IFT74: variants seen among roughly 807,000 people sequenced by gnomAD.
The protein encoded by IFT74 is intraflagellar transport 74, also known as intraflagellar transport protein 74 homolog.
IFT74 carries 92 observed loss-of-function variants against 96.7 expected under a neutral mutation model. That is an observed-to-expected ratio of 0.95 (90% CI 0.80 to 1.13). The LOEUF (loss-of-function observed/expected upper bound fraction) is 1.13, where lower values mean the gene tolerates loss of function less well. IFT74 is among the 50% of genes most tolerant of loss of function. The pLI is 0.00. For missense variants in IFT74, 811 were observed against 698.2 expected, an observed-to-expected ratio of 1.16 and a Z score of -1.82; for synonymous variants, 223 against 213.2, an observed-to-expected ratio of 1.05 and a Z score of -0.40.
rs550725210 is a variant in IFT74, at chr9:26,981,422, A to AT, written c.305+813dup. On this transcript the variant is annotated intron_variant, in intron 4 of 19. Coordinates refer to ENST00000380062, the MANE Select transcript of IFT74 (RefSeq NM_025103.4). ...CTACCACCACACCTGGCCTCATAGC[A>AT]TTTTTTTTTTGAGACAGAGTCTTGT... is the stretch of plus-strand genomic sequence containing the variant. Among the ~76,000 whole-genome samples, 807 of 137,962 alleles carry AT rather than the reference A, an allele frequency of 5.8e-3. 2 individuals carry two copies. Among genetic ancestry groups the AT allele is most frequent in the African/African-American group, 7.9e-3 (292 of 36,944 alleles). The allele number at this position is 137,962 out of a possible 152,430, so 90.5% of individuals were successfully genotyped here.
chr9:26,950,883 T>C (rs759244361), intron 1 of IFT74, among the ~76,000 whole-genome samples: 8 of 152,272 alleles, frequency 5.3e-5, no homozygotes, highest in Non-Finnish European at 8.8e-5. Context: ...TAGAACATAG[T>C]GCAGCTGGGA....
chr9:27,039,780 A>G (rs538350878), intron 13 of IFT74, among the ~76,000 whole-genome samples: 1 of 152,314 alleles, frequency 6.6e-6, no homozygotes, highest in Non-Finnish European at 1.5e-5. Context: ...TATGTAAAAG[A>G]CTTGAACATC....
At chr9:27,034,128 TATTACTCACCAAAAATG>T (rs1830251177) in intron 13 of IFT74, among the ~76,000 whole-genome samples, 1 of 152,304 alleles carries the variant, frequency 6.6e-6, no homozygotes, top group Non-Finnish European at 1.5e-5. Flanking sequence ...TATTGGGCAT[TATTACTCACCAAAAATG>T]ATTACTTTCC....
chr9:26,971,307 T>TA, intron 2 of IFT74, among the ~76,000 whole-genome samples: 1 of 152,128 alleles, frequency 6.6e-6, no homozygotes, highest in Admixed American at 6.6e-5. Flanking sequence ...TTAGTTTTTT[T>TA]TATATATTAA....
chr9:26,961,785 A>G (rs1426435865), intron 1 of IFT74, among the ~76,000 whole-genome samples, 164 bp from the exon 2 acceptor site: 1 of 152,222 alleles, frequency 6.6e-6, no homozygotes, highest in Non-Finnish European at 1.5e-5. Context: ...ATAGTTGTAA[A>G]TGGAGCACGA....
upstream of IFT74, among the ~76,000 whole-genome samples, chr9:26,953,694 A>AGGTG (rs571775420): frequency 3.4e-5 from 5 of 149,120 alleles, no homozygotes; most frequent in African/African-American, 1.2e-4. Flanking sequence ...CATTTTTTGT[A>AGGTG]GGGGGGGGGT....
chr9:26,984,999 T>G (rs1053960996), intron 6 of IFT74, among the ~76,000 whole-genome samples: 4 of 152,168 alleles, frequency 2.6e-5, no homozygotes, highest in African/African-American at 4.8e-5. Flanking sequence ...TAAAGACACA[T>G]GCACATGTGT....
intron 8 of IFT74, among the ~76,000 whole-genome samples, chr9:27,001,380 C>G (rs1828477499): frequency 1.3e-5 from 2 of 151,988 alleles, no homozygotes; most frequent in African/African-American, 4.8e-5. Flanking sequence ...TTTAAGGAAC[C>G]TTCATACTGC....
intron 8 of IFT74, chr9:26,998,163 G>A (rs1425518640): frequency 6.3e-6 from 10 of 1,597,960 alleles, no homozygotes; most frequent in Non-Finnish European, 8.6e-6. Context: ...TTATAACTGA[G>A]ATCAAGTATA....
chr9:26,988,365 A>G (rs2131549277), intron 6 of IFT74, among the ~76,000 whole-genome samples: 1 of 152,278 alleles, frequency 6.6e-6, no homozygotes, highest in Admixed American at 6.5e-5. Context: ...ACCCTTATTT[A>G]TAAGCTCAGC....
At chr9:26,950,153 A>G (rs1825884298) in intron 1 of IFT74, among the ~76,000 whole-genome samples, 1 of 152,124 alleles carries the variant, frequency 6.6e-6, no homozygotes, top group African/African-American at 2.4e-5. Context: ...TCTACTAAAA[A>G]TACAAAAAGT....
upstream of IFT74, chr9:26,956,098 G>C (rs905266478): frequency 6.6e-6 from 1 of 152,160 alleles, no homozygotes; most frequent in African/African-American, 2.4e-5. Flanking sequence ...AATGTAACCT[G>C]TTAACAACGT....
intron 13 of IFT74, among the ~76,000 whole-genome samples, chr9:27,040,540 G>C (rs1819429163): frequency 1.2e-5 from 1 of 84,112 alleles, no homozygotes; most frequent in African/African-American, 5.0e-5. Flanking sequence ...ACGAGACACT[G>C]TCTCAAAAAA....
At chr9:27,048,330 T>C (rs1453202871) in intron 16 of IFT74, 56 bp downstream of exon 16, 1 of 1,195,574 alleles carries the variant, frequency 8.4e-7, no homozygotes, top group Non-Finnish European at 1.1e-6. Flanking sequence ...ATCAATGTTA[T>C]TCTCTGATTA....
chr9:27,013,035 CCTT>C (rs1284124520), intron 10 of IFT74, among the ~76,000 whole-genome samples: 1 of 152,026 alleles, frequency 6.6e-6, no homozygotes, highest in African/African-American at 2.4e-5. Flanking sequence ...TGTTTTGTGT[CCTT>C]CTTTCCAGAT....
intron 14 of IFT74, 35 bp from the exon 15 acceptor site, chr9:27,047,238 TC>T: frequency 8.1e-7 from 1 of 1,241,280 alleles, no homozygotes. Context: ...GTTAACTCTA[TC>T]AGCAGTAATC....
chr9:27,060,479 TAA>T, intron 18 of IFT74, 110 bp from the exon 19 acceptor site: 1 of 549,214 alleles, frequency 1.8e-6, no homozygotes, highest in Admixed American at 3.2e-5. Flanking sequence ...CAATAAAATG[TAA>T]GTTGATAAGA....
rs531417382 is a variant in IFT74 at position 27,022,988 on chromosome 9, A to G, written c.974+4301A>G. ...GTTGCTGTTGGTATATAGCGGTGCT[A>G]CTGATTTGTGTACATTGATTTTGTG... is the stretch of plus-strand genomic sequence containing the variant. On this transcript the variant is annotated intron_variant, in intron 12 of 19. Transcript: ENST00000380062. Among the ~76,000 whole-genome samples the G allele has an allele frequency of 2.0e-5, 3 of 152,166 alleles. No homozygotes were observed. The East Asian group carries it at 5.8e-4, about 29-fold the overall frequency.
At chr9:26,947,248 G>C in intron 1 of IFT74, 1 of 572,470 alleles carries the variant, frequency 1.7e-6, no homozygotes, top group Non-Finnish European at 3.0e-6. Flanking sequence ...AGCCTGACAG[G>C]CACTCCGGAA....
Sources: allele counts gnomAD v4.1 joint callset (sites outside exome capture counted in the v4.1 genomes callset), GRCh38; gene constraint gnomAD v4.1.1; transcripts MANE v1.5; gene names NCBI Gene and HGNC (gene_info 2026-07-23, HGNC 2026-07-21).